Variants in CELF2 observed in about 807,000 individuals in gnomAD.
The protein encoded by CELF2 is CUG triplet repeat RNA-binding protein 2.
In CELF2, 8 loss-of-function variants were observed where a neutral mutation model predicts 62.6. That is an observed-to-expected ratio of 0.13 (90% CI 0.07 to 0.23). The LOEUF is 0.23. Ranked by LOEUF, CELF2 falls within the 10% of genes least tolerant of loss-of-function variation. The pLI, the probability that CELF2 is intolerant of heterozygous loss-of-function variation, is 1.00. For synonymous variants in CELF2, 258 were observed against 250.0 expected, an observed-to-expected ratio of 1.03 and a Z score of -0.30; for missense variants, 333 against 671.0, an observed-to-expected ratio of 0.50 and a Z score of 5.56.
Position 11,332,542 on chromosome 10 carries a change from G to A in CELF2, c.*3489G>A, listed in dbSNP as rs1412973213. The A allele has an allele frequency of 1.3e-5, 2 of 152,164 alleles. No individual in the cohort carries two copies. Among genetic ancestry groups the A allele is most frequent in the Non-Finnish European group, 2.9e-5 (2 of 68,036 alleles). 9.4% of individuals were successfully genotyped at this position (152,164 alleles called of 1,614,324 possible). A position where few individuals can be genotyped will look rare whatever the true frequency, so the allele number is the denominator to read the frequency against. On this transcript the variant is annotated 3_prime_UTR_variant, in exon 13 of 13. Coordinates refer to ENST00000633077, the MANE Select transcript of CELF2 (RefSeq NM_001326342.2). ...GCTGCCACTTTTTAAAGTGCCATAT[G>A]ACTTTCTACGAACAGGTACCTTGCT...
chr10:11,281,579 C>T (rs2088780642), intron 8 of CELF2, among the ~76,000 whole-genome samples: 1 of 152,152 alleles, frequency 6.6e-6, no homozygotes, highest in Non-Finnish European at 1.5e-5. Flanking sequence ...CTGAGCAACA[C>T]AGCAAAACCC....
At chr10:10,939,148 GGCCGCT>G (rs2046746740) in intron 2 of CELF2, among the ~76,000 whole-genome samples, 8 of 73,730 alleles carry the variant, frequency 1.1e-4, no homozygotes, top group East Asian at 1.8e-3. Context: ...TTATCAGTGT[GGCCGCT>G]ATTGTAACCC....
At chr10:10,560,427 G>C in the CELF2 span, among the ~76,000 whole-genome samples, 1 of 152,154 alleles carries the variant, frequency 6.6e-6, no homozygotes, top group South Asian at 2.1e-4. Context: ...AATAAGTCCA[G>C]AATGTGACTT....
At chr10:10,662,914 T>C in the CELF2 span, among the ~76,000 whole-genome samples, 22 of 152,162 alleles carry the variant, frequency 1.4e-4, 1 homozygote, top group African/African-American at 2.4e-5. Flanking sequence ...CCCACAGCAC[T>C]TGGCACAAAC....
rs1441665035 is a variant in CELF2, at chr10:11,098,662, A to G, written c.75-66824A>G. On this transcript the variant is annotated intron_variant, in intron 1 of 12. Coordinates refer to ENST00000633077, the MANE Select transcript of CELF2 (RefSeq NM_001326342.2). The surrounding 1 kb of genome is among the most constrained non-coding windows in gnomAD (Gnocchi z 4.0). The stretch of plus-strand genomic sequence containing the variant: ...AATGCATGATAAGTATAAATGTGTC[A>G]TGAGCACACTGTTTTCTCTGTAGAA... Among the ~76,000 whole-genome samples, 1 of 152,216 alleles carries G rather than the reference A, an allele frequency of 6.6e-6. No homozygotes were observed. The highest frequency in any genetic ancestry group is 2.4e-5 in the African/African-American group (1 of 41,450).
At chr10:10,618,616 G>T in the CELF2 span, among the ~76,000 whole-genome samples, 53,219 of 151,920 alleles carry the variant, frequency 0.35, 10,589 homozygotes, top group South Asian at 0.63. Flanking sequence ...TCATGAGACT[G>T]TAAGTTCCCT....
upstream of CELF2, among the ~76,000 whole-genome samples, chr10:10,797,867 A>G (rs1050099624): frequency 6.6e-6 from 1 of 152,228 alleles, no homozygotes; most frequent in African/African-American, 2.4e-5. Flanking sequence ...GAGACAAACT[A>G]TGAACAAACA....
rs1476659755 is a variant in CELF2 at position 11,319,140 on chromosome 10, C to G, written c.1097-2049C>G. On this transcript the variant is annotated intron_variant, in intron 10 of 12. Coordinates refer to ENST00000633077, the MANE Select transcript of CELF2 (RefSeq NM_001326342.2). The surrounding 1 kb of genome is among the most constrained non-coding windows in gnomAD (Gnocchi z 4.4). ...CTCTCCCGCCAGAATTTCCTCCACA[C>G]GGGCATCTGCATTTCCAGAGGACTG... 2.1e-6 allele frequency: 1 copy of G among 469,028 alleles called. No individual in the cohort carries two copies. The highest frequency in any genetic ancestry group is 4.4e-6 in the Non-Finnish European group (1 of 226,490). 29.1% of individuals were successfully genotyped at this position (469,028 alleles called of 1,614,324 possible).
At chr10:11,320,443 TAA>T (rs2095368253) in intron 10 of CELF2, among the ~76,000 whole-genome samples, 1 of 152,196 alleles carries the variant, frequency 6.6e-6, no homozygotes, top group South Asian at 2.1e-4. Flanking sequence ...ACGCACAGAA[TAA>T]CTATTTGCTG....
At position 11,143,988 on chromosome 10, in the gene CELF2, A is replaced by G. The variant is rs569302966; in HGVS notation, c.75-21498A>G. Among the ~76,000 whole-genome samples the G allele has an allele frequency of 5.9e-5, 9 of 152,222 alleles. No individual in the cohort carries two copies. In the East Asian group the frequency reaches 1.2e-3, roughly 20 times the overall value. Reference sequence around the variant, plus strand: ...TGCTGTGTATCAGTGCTGCCACTCAATTGGCTGAGAAAGCTGCTTGGCATT... The same window carrying G: ...TGCTGTGTATCAGTGCTGCCACTCAGTTGGCTGAGAAAGCTGCTTGGCATT... On this transcript the variant is annotated intron_variant, in intron 1 of 12. Transcript: ENST00000633077.
chr10:11,087,310 G>C (rs534062981), intron 1 of CELF2, among the ~76,000 whole-genome samples: 1 of 152,290 alleles, frequency 6.6e-6, no homozygotes, highest in South Asian at 2.1e-4. Flanking sequence ...ATGGGGTGTG[G>C]ATGATAAAGC....
chr10:10,731,023 G>A, the CELF2 span, among the ~76,000 whole-genome samples: 1 of 152,152 alleles, frequency 6.6e-6, no homozygotes, highest in African/African-American at 2.4e-5. Context: ...ATATTTCCCA[G>A]GGAGCCTTGC....
chr10:10,665,737 C>T, the CELF2 span, among the ~76,000 whole-genome samples: 2 of 152,108 alleles, frequency 1.3e-5, no homozygotes, highest in Non-Finnish European at 2.9e-5. Context: ...TTAATAAACA[C>T]TAGGATATAG....
chr10:10,850,739 G>A (rs1294009636), intron 1 of CELF2, among the ~76,000 whole-genome samples: 4 of 152,114 alleles, frequency 2.6e-5, no homozygotes, highest in Admixed American at 2.6e-4. Flanking sequence ...ACCTAATGGG[G>A]TGCACAATAT....
the CELF2 span, among the ~76,000 whole-genome samples, chr10:10,705,334 C>G: frequency 6.7e-6 from 1 of 149,874 alleles, no homozygotes; most frequent in Admixed American, 6.6e-5. Flanking sequence ...TGCTTCTTCC[C>G]CTCTCTCTCA....
At chr10:10,670,077 A>G in the CELF2 span, among the ~76,000 whole-genome samples, 3 of 151,682 alleles carry the variant, frequency 2.0e-5, no homozygotes, top group African/African-American at 7.3e-5. Flanking sequence ...TAATTTTTGT[A>G]TTTTTAGTAG....
chr10:10,619,598 C>T, the CELF2 span, among the ~76,000 whole-genome samples: 2 of 152,188 alleles, frequency 1.3e-5, no homozygotes. Context: ...TCCCTATGGT[C>T]TTACCCACCT....
intron 1 of CELF2, among the ~76,000 whole-genome samples, chr10:10,906,722 T>TC (rs1293060556): frequency 7.0e-6 from 1 of 141,958 alleles, no homozygotes; most frequent in Non-Finnish European, 1.5e-5. Context: ...CTTTTCTTTT[T>TC]TTTTTTTTTT....
the CELF2 span, among the ~76,000 whole-genome samples, chr10:10,744,608 G>C: frequency 0.21 from 32,483 of 151,940 alleles, 4,193 homozygotes; most frequent in South Asian, 0.48. Flanking sequence ...AAAATTCAAA[G>C]CAATTAGAAT....
Sources: allele counts gnomAD v4.1 joint callset (sites outside exome capture counted in the v4.1 genomes callset), GRCh38; gene constraint gnomAD v4.1.1; non-coding constraint Gnocchi (gnomAD v3.1); transcripts MANE v1.5; gene names NCBI Gene and HGNC (gene_info 2026-07-23, HGNC 2026-07-21).